COL18A1: variants seen among roughly 807,000 people sequenced by gnomAD.
COL18A1 encodes collagen alpha-1(XVIII) chain.
In COL18A1, 133 loss-of-function variants were observed where a neutral mutation model predicts 168.0. That is an observed-to-expected ratio of 0.79 (90% confidence interval 0.69 to 0.91). The LOEUF is 0.91. Ranked by LOEUF, COL18A1 falls within the 40% of genes least tolerant of loss-of-function variation. The pLI, the probability that COL18A1 is intolerant of heterozygous loss-of-function variation, is 0.00. For synonymous variants in COL18A1, 949 were observed against 809.0 expected, an observed-to-expected ratio of 1.17 and a Z score of -2.94; for missense variants, 2,126 against 1,925.4, an observed-to-expected ratio of 1.10 and a Z score of -1.95.
At chr21:45,472,262 C>T (rs961036042) in intron 3 of COL18A1, among the ~76,000 whole-genome samples, 2 of 150,336 alleles carry the variant, frequency 1.3e-5, no homozygotes, top group Admixed American at 6.6e-5. Flanking sequence ...CTCGCTCTGT[C>T]GCCCAGGCTG....
In COL18A1 at chr21:45,505,915, C is replaced by T. The variant is rs542663933; in HGVS notation, c.3165C>T (p.Ala1055=). 24 of 1,613,132 alleles carry T rather than the reference C, an allele frequency of 1.5e-5. No individual in the cohort carries two copies. Among genetic ancestry groups the T allele is most frequent in the African/African-American group, 5.3e-5 (4 of 75,040 alleles). ...EVPEGWLIFV[A]EQEELYVRVQ... ...CCGAGGGCTGGCTCATCTTCGTGGCCGAGCAGGAGGAGCTCTACGTCCGCG... is the reference window on the plus strand; with the variant it reads ...CCGAGGGCTGGCTCATCTTCGTGGCTGAGCAGGAGGAGCTCTACGTCCGCG... The change falls in exon 37 of 42, where the codon GCC becomes GCT. Residue 1055 remains alanine, a synonymous_variant. Coordinates refer to ENST00000651438, the MANE Select transcript of COL18A1 (RefSeq NM_001379500.1).
Position 45,471,951 on chromosome 21 carries a change from G to T in COL18A1, c.652-1944G>T, listed in dbSNP as rs767535571. Among the ~76,000 whole-genome samples the T allele has an allele frequency of 6.6e-6, 1 of 152,090 alleles. No homozygotes were observed. Among genetic ancestry groups the T allele is most frequent in the Non-Finnish European group, 1.5e-5 (1 of 67,988 alleles). On this transcript the variant is annotated intron_variant, in intron 3 of 41. Coordinates refer to ENST00000651438, the MANE Select transcript of COL18A1 (RefSeq NM_001379500.1). This position sits in a 1 kb window ranked among gnomAD's most constrained non-coding sequence, Gnocchi z 4.4. Reference sequence around the variant, plus strand: ...GCCTCCTGCCCCACCCCCGGAGCCAGCGGCCACCACGGGCTCAGAGCTTCT... The same window carrying T: ...GCCTCCTGCCCCACCCCCGGAGCCATCGGCCACCACGGGCTCAGAGCTTCT...
chr21:45,490,497 G>T, intron 20 of COL18A1, 151 bp downstream of exon 20: 1 of 673,144 alleles, frequency 1.5e-6, no homozygotes, highest in Non-Finnish European at 2.5e-6. Context: ...TGCCCTCCCG[G>T]GTCTCTGGGC....
chr21:45,411,534 C>A (rs564569412), intron 2 of COL18A1, among the ~76,000 whole-genome samples: 1 of 151,928 alleles, frequency 6.6e-6, no homozygotes, highest in Non-Finnish European at 1.5e-5. Context: ...GTCTGAAGGG[C>A]CCGGAGTAAG....
At position 45,493,164 on chromosome 21, in the gene COL18A1, G is replaced by A. The variant is rs752724123; in HGVS notation, c.2216G>A (p.Gly739Glu). ...EGRPGFAGFP[G>E]PAGPKGNLGS... is the part of the protein sequence containing the mutation. ...CTCACGGCCTGGCCTCCATTCCAGG[G>A]ACCTGCAGGACCCAAGGGCAACCTG... Residue 739 changes from glycine (G) to glutamate (E), a missense_variant and splice_region_variant, in exon 25 of 42, where the codon GGA (glycine) becomes GAA (glutamate). Physicochemically the swap from Gly to Glu is moderately conservative, Grantham distance 98. Coordinates refer to ENST00000651438, the MANE Select transcript of COL18A1 (RefSeq NM_001379500.1). 6.4e-6 allele frequency: 10 copies of A among 1,557,162 alleles called. No individual in the cohort carries two copies. The highest frequency in any genetic ancestry group is 8.7e-6 in the Non-Finnish European group (10 of 1,150,564).
In COL18A1 at chr21:45,455,594, C is replaced by T. The variant is rs763995210; in HGVS notation, c.107-12648C>T. ...GCTCTTCTGCTGCCTGGCGGCTGCC[C>T]GGGCCAACCTGCTGAACCTGAACTG... is the stretch of plus-strand genomic sequence containing the variant. On this transcript the variant is annotated intron_variant, in intron 2 of 41. Transcript: ENST00000651438. 70 of 1,613,950 alleles carry T rather than the reference C, an allele frequency of 4.3e-5. No homozygotes were observed. Among genetic ancestry groups the T allele is most frequent in the East Asian group, 6.7e-5 (3 of 44,882 alleles).
chr21:45,461,159 A>G (rs961882968), intron 2 of COL18A1, among the ~76,000 whole-genome samples: 1 of 152,138 alleles, frequency 6.6e-6, no homozygotes, highest in Non-Finnish European at 1.5e-5. Flanking sequence ...TCTAGAACTT[A>G]CTTTTCCTGC....
intron 9 of COL18A1, 80 bp downstream of exon 9, chr21:45,478,433 CTT>C: frequency 6.3e-7 from 1 of 1,592,980 alleles, no homozygotes; most frequent in Non-Finnish European, 8.6e-7. Context: ...CAGTGACACT[CTT>C]TTTAAACGCG....
intron 16 of COL18A1, 82 bp from the exon 17 acceptor site, chr21:45,487,365 C>T: frequency 1.3e-6 from 2 of 1,527,032 alleles, no homozygotes; most frequent in Middle Eastern, 2.2e-4. Flanking sequence ...TCCCACCCTC[C>T]TCTCGGGCAG....
At chr21:45,406,486 A>G (rs1602320043) in intron 2 of COL18A1, among the ~76,000 whole-genome samples, 1 of 152,250 alleles carries the variant, frequency 6.6e-6, no homozygotes, top group African/African-American at 2.4e-5. Context: ...AAGTAGATGT[A>G]TTGAAAACAC....
intron 29 of COL18A1, 48 bp from the exon 30 acceptor site, chr21:45,496,452 G>A (rs2036546507): frequency 1.2e-6 from 1 of 844,376 alleles, no homozygotes; most frequent in South Asian, 1.3e-5. Context: ...CCCAGCTGCT[G>A]CCTGACAGGC....
At chr21:45,478,740 C>T (rs888437951) in intron 9 of COL18A1, among the ~76,000 whole-genome samples, 4 of 152,102 alleles carry the variant, frequency 2.6e-5, no homozygotes, top group African/African-American at 9.7e-5. Context: ...CGTCGCAAAA[C>T]ACGCAGTTCA....
chr21:45,415,473 A>G (rs1188896944), intron 2 of COL18A1, among the ~76,000 whole-genome samples: 1 of 152,078 alleles, frequency 6.6e-6, no homozygotes, highest in African/African-American at 2.4e-5. Context: ...ACCGGCTGCC[A>G]CGGGTGGGGC....
At chr21:45,493,657 G>A (rs1346841009) in intron 26 of COL18A1, 82 bp downstream of exon 26, 5 of 1,056,854 alleles carry the variant, frequency 4.7e-6, no homozygotes, top group Non-Finnish European at 7.0e-6. Flanking sequence ...CTTCCTGAGG[G>A]TCTGGCTCCT....
At position 45,510,189 on chromosome 21, in the gene COL18A1, C is replaced by T. The variant is rs1318470818; in HGVS notation, c.3621C>T (p.Ser1207=). 1 of 1,598,900 alleles carries T rather than the reference C, an allele frequency of 6.3e-7. No individual in the cohort carries two copies. The change falls in exon 40 of 42, where the codon TCC becomes TCT. Residue 1207 remains serine, a synonymous_variant. Transcript: ENST00000651438. The part of the protein sequence containing the change: ...GLAGTFRAFL[S]SRLQDLYSIV... ...CGGGCACCTTCCGCGCCTTCCTGTCCTCGCGCCTGCAGGACCTGTACAGCA... is the reference window on the plus strand; with the variant it reads ...CGGGCACCTTCCGCGCCTTCCTGTCTTCGCGCCTGCAGGACCTGTACAGCA...
At chr21:45,421,566 C>G (rs750924694) in intron 2 of COL18A1, 1 of 534,498 alleles carries the variant, frequency 1.9e-6, no homozygotes, top group African/African-American at 1.9e-5. Flanking sequence ...AAAACCTCGG[C>G]CTTCCATTTC....
chr21:45,426,118 T>C (rs2033790211), intron 2 of COL18A1, among the ~76,000 whole-genome samples: 1 of 152,162 alleles, frequency 6.6e-6, no homozygotes, highest in Non-Finnish European at 1.5e-5. Context: ...TTTTTTTCTT[T>C]TTTTGAGACA....
rs1227712112 is a variant in COL18A1 at position 45,493,209 on chromosome 21, G to C, written c.2261G>C (p.Gly754Ala). 4.5e-6 allele frequency: 7 copies of C among 1,561,372 alleles called. No homozygotes were observed. The highest frequency in any genetic ancestry group is 1.2e-5 in the South Asian group (1 of 84,972). Residue 754 changes from glycine (G) to alanine (A), a missense_variant, in exon 25 of 42, where the codon GGC becomes GCC. Gly to Ala is a moderately conservative substitution (Grantham distance 60). Transcript: ENST00000651438. Reference protein sequence around the residue: ...KGNLGSKGERGSPGPKGEKGE... With the variant: ...KGNLGSKGERASPGPKGEKGE... ...AACCTGGGCTCTAAGGGCGAACGAG[G>C]CTCCCCGGGACCCAAGGTAAGGGGC...
chr21:45,454,886 G>A (rs1012656126), intron 2 of COL18A1, among the ~76,000 whole-genome samples: 1 of 152,230 alleles, frequency 6.6e-6, no homozygotes, highest in Non-Finnish European at 1.5e-5. Flanking sequence ...CTGGGCAGAA[G>A]GTCAGGAAGG....
Sources: gnomAD v4.1 joint callset for allele counts (sites outside exome capture counted in the v4.1 genomes callset) on GRCh38, gnomAD v4.1.1 for gene constraint, Gnocchi (gnomAD v3.1) non-coding constraint, MANE v1.5 for transcripts, NCBI Gene and HGNC (gene_info 2026-07-23, HGNC 2026-07-21) for gene names.